The following FGGY variants were observed in gnomAD, a reference collection of about 807,000 sequenced individuals.
The protein encoded by FGGY is FGGY carbohydrate kinase domain containing.
In FGGY, 72 loss-of-function variants were observed where a neutral mutation model predicts 71.3. That is an observed-to-expected ratio of 1.01 (90% confidence interval 0.84 to 1.23). FGGY has a LOEUF of 1.23. Ranked by LOEUF, FGGY falls within the 50% of genes most tolerant of loss-of-function variation. The pLI, the probability that FGGY is intolerant of heterozygous loss-of-function variation, is 0.00. For missense variants in FGGY, 668 were observed against 682.3 expected, an observed-to-expected ratio of 0.98 and a Z score of 0.23; for synonymous variants, 251 against 250.3, an observed-to-expected ratio of 1.00 and a Z score of -0.02.
chr1:59,379,078 A>G (rs775431973), intron 5 of FGGY, among the ~76,000 whole-genome samples: 2 of 151,972 alleles, frequency 1.3e-5, no homozygotes, highest in Non-Finnish European at 2.9e-5. Flanking sequence ...AATTGGTCAT[A>G]TTTGAAGGAG....
At chr1:59,396,400 A>C (rs2061330778) in intron 5 of FGGY, among the ~76,000 whole-genome samples, 1 of 151,368 alleles carries the variant, frequency 6.6e-6, no homozygotes, top group Non-Finnish European at 1.5e-5. Flanking sequence ...GTTTCTTTTG[A>C]TTTTTTTTTC....
chr1:59,404,398 G>A (rs1039658699), intron 5 of FGGY, among the ~76,000 whole-genome samples: 8 of 152,152 alleles, frequency 5.3e-5, no homozygotes, highest in East Asian at 1.9e-4. Context: ...CCAGGACAGC[G>A]TCAGTCCTTA....
intron 14 of FGGY, among the ~76,000 whole-genome samples, chr1:59,727,448 G>C (rs963144906): frequency 6.6e-6 from 1 of 152,126 alleles, no homozygotes; most frequent in Non-Finnish European, 1.5e-5. Context: ...TCTGTTTTAA[G>C]TTCTTTGAAA....
intron 5 of FGGY, among the ~76,000 whole-genome samples, chr1:59,425,683 T>C (rs1185448850): frequency 6.6e-6 from 1 of 152,228 alleles, no homozygotes; most frequent in East Asian, 1.9e-4. Context: ...CTTTGTCGTG[T>C]ACCATCTCTC....
At chr1:59,642,899 G>A (rs921314363) in intron 11 of FGGY, among the ~76,000 whole-genome samples, 2 of 151,566 alleles carry the variant, frequency 1.3e-5, no homozygotes, top group African/African-American at 4.8e-5. Context: ...GCCGGGCATG[G>A]TGGCGGGTGG....
At chr1:59,554,921 A>T (rs960726020) in intron 8 of FGGY, among the ~76,000 whole-genome samples, 1 of 152,166 alleles carries the variant, frequency 6.6e-6, no homozygotes, top group South Asian at 2.1e-4. Context: ...ATTTTCCCAG[A>T]TAAGTATAAT....
chr1:59,523,475 T>G (rs982675006), intron 7 of FGGY, among the ~76,000 whole-genome samples: 2 of 152,246 alleles, frequency 1.3e-5, no homozygotes, highest in Admixed American at 6.5e-5. Flanking sequence ...CAGTTTTCTC[T>G]TAGCTGTGCA....
chr1:59,646,115 CAG>C (rs2097091668), intron 11 of FGGY, among the ~76,000 whole-genome samples: 1 of 152,188 alleles, frequency 6.6e-6, no homozygotes, highest in African/African-American at 2.4e-5. Context: ...GTCAGCAACT[CAG>C]GGTATCTGCA....
At chr1:59,533,198 G>A (rs574380857) in intron 7 of FGGY, among the ~76,000 whole-genome samples, 1 of 152,302 alleles carries the variant, frequency 6.6e-6, no homozygotes, top group Non-Finnish European at 1.5e-5. Context: ...CACTCGGGAA[G>A]TGCAAGGGGT....
rs536798086 is a variant in FGGY at position 59,570,228 on chromosome 1, C to T, written c.903+16001C>T. Among the ~76,000 whole-genome samples the T allele has an allele frequency of 2.0e-5, 3 of 152,186 alleles. No homozygotes were observed. The East Asian group carries it at 5.8e-4, about 29-fold the overall frequency. Reference sequence around the variant, plus strand: ...CCAGGTGATTCTAATGGAAAACTTTCAAAAAAACTGCTTTAAGCTCTTTCA... The same window carrying T: ...CCAGGTGATTCTAATGGAAAACTTTTAAAAAAACTGCTTTAAGCTCTTTCA... On this transcript the variant is annotated intron_variant, in intron 8 of 15. Transcript: ENST00000303721.
chr1:59,321,939 G>T (rs1396221752), intron 2 of FGGY, among the ~76,000 whole-genome samples, 189 bp downstream of exon 2: 1 of 152,164 alleles, frequency 6.6e-6, no homozygotes, highest in African/African-American at 2.4e-5. Flanking sequence ...GGTAAGAGCT[G>T]GGATCAAAGT....
intron 6 of FGGY, among the ~76,000 whole-genome samples, chr1:59,482,372 T>A (rs553296518): frequency 6.6e-6 from 1 of 152,194 alleles, no homozygotes; most frequent in Admixed American, 6.5e-5. Flanking sequence ...GGTAGCAAAC[T>A]GTAACCTCAA....
chr1:59,695,648 C>A (rs2097651118), intron 14 of FGGY, among the ~76,000 whole-genome samples: 1 of 152,150 alleles, frequency 6.6e-6, no homozygotes, highest in Admixed American at 6.5e-5. Flanking sequence ...AAGTGGTTTC[C>A]CAACCCTGTA....
chr1:59,438,964 T>G (rs1369243412), intron 5 of FGGY, among the ~76,000 whole-genome samples: 1 of 152,196 alleles, frequency 6.6e-6, no homozygotes, highest in Non-Finnish European at 1.5e-5. Flanking sequence ...TCTATAATGT[T>G]TATAATATTT....
intron 8 of FGGY, among the ~76,000 whole-genome samples, chr1:59,598,640 G>C (rs548128963): frequency 6.6e-6 from 1 of 152,222 alleles, no homozygotes; most frequent in East Asian, 1.9e-4. Flanking sequence ...TGCTGAGACT[G>C]AAATAAAGAG....
At chr1:59,460,925 C>G (rs1360262300) in intron 6 of FGGY, among the ~76,000 whole-genome samples, 5 of 152,172 alleles carry the variant, frequency 3.3e-5, no homozygotes, top group Non-Finnish European at 7.4e-5. Context: ...AAACCATCAT[C>G]AAAGACCAAA....
chr1:59,618,302 T>A (rs1387327753), intron 9 of FGGY, among the ~76,000 whole-genome samples: 1 of 152,160 alleles, frequency 6.6e-6, no homozygotes, highest in Non-Finnish European at 1.5e-5. Context: ...TCATCTGATC[T>A]TCACAGCATG....
At chr1:59,474,093 A>T (rs2153554680) in intron 6 of FGGY, 2 of 152,106 alleles carry the variant, frequency 1.3e-5, no homozygotes, top group East Asian at 3.9e-4. Context: ...CTGTGTTCAC[A>T]CTCCTTAGAT....
intron 5 of FGGY, among the ~76,000 whole-genome samples, chr1:59,394,745 A>G (rs1320556813): frequency 6.6e-6 from 1 of 152,164 alleles, no homozygotes; most frequent in Non-Finnish European, 1.5e-5. Context: ...ATCACTTTAC[A>G]TATTTATTTC....
Sources: allele counts gnomAD v4.1 joint callset (sites outside exome capture counted in the v4.1 genomes callset), GRCh38; gene constraint gnomAD v4.1.1; transcripts MANE v1.5; gene names NCBI Gene and HGNC (gene_info 2026-07-23, HGNC 2026-07-21).